Variants in IQCH observed in about 807,000 individuals in gnomAD.
IQCH encodes the protein IQ motif containing H, also known as IQ domain-containing protein H.
IQCH carries 98 observed loss-of-function variants against 117.0 expected under a neutral mutation model. The observed-to-expected ratio is 0.84, with a 90% CI of 0.71 to 0.99. The LOEUF (loss-of-function observed/expected upper bound fraction) is 0.99. Ranked by LOEUF, IQCH falls within the 50% of genes least tolerant of loss-of-function variation. IQCH has a pLI of 0.00. For synonymous variants in IQCH, 412 were observed against 448.2 expected, an observed-to-expected ratio of 0.92 and a Z score of 1.02; for missense variants, 1,102 against 1,243.8, an observed-to-expected ratio of 0.89 and a Z score of 1.72.
intron 4 of IQCH, among the ~76,000 whole-genome samples, chr15:67,320,277 A>G (rs557733169): frequency 5.3e-5 from 8 of 152,374 alleles, no homozygotes; most frequent in South Asian, 4.1e-4. Flanking sequence ...AAAAATGCCT[A>G]GAGACTGGCA....
At chr15:67,280,837 G>GTTGTTA (rs552553751) in intron 4 of IQCH, among the ~76,000 whole-genome samples, 3 of 125,056 alleles carry the variant, frequency 2.4e-5, no homozygotes, top group Non-Finnish European at 5.5e-5. Flanking sequence ...AGAAGGAGGT[G>GTTGTTA]TTATTATTAT....
Position 67,430,552 on chromosome 15 carries a change from TTAGAA to T in IQCH, c.2505+8976_2505+8980del, listed in dbSNP as rs759498477. Among the ~76,000 whole-genome samples the T allele has an allele frequency of 1.3e-5, 2 of 152,200 alleles. No individual in the cohort carries two copies. The highest frequency in any genetic ancestry group is 4.8e-5 in the African/African-American group (2 of 41,450). ...GCCTCCATGAGATTTTTTTAATCCT[TTAGAA>T]AATGTACTAGGCCTTGAATTTTTTT... On this transcript the variant is annotated intron_variant, in intron 16 of 20. Coordinates refer to ENST00000335894, the MANE Select transcript of IQCH (RefSeq NM_001031715.3). The surrounding 1 kb of genome is among the most constrained non-coding windows in gnomAD (Gnocchi z 5.1).
At position 67,490,790 on chromosome 15, in the gene IQCH, T is replaced by C. The variant is rs2141091486; in HGVS notation, c.2861+726T>C. Among the ~76,000 whole-genome samples, 1 of 152,276 alleles carries C rather than the reference T, an allele frequency of 6.6e-6. No homozygotes were observed. The highest frequency in any genetic ancestry group is 1.5e-5 in the Non-Finnish European group (1 of 68,030). On this transcript the variant is annotated intron_variant, in intron 19 of 20. Coordinates refer to ENST00000335894, the MANE Select transcript of IQCH (RefSeq NM_001031715.3). This position sits in a 1 kb window ranked among gnomAD's most constrained non-coding sequence, Gnocchi z 4.9. ...CTGTAGCTCCTCCTCAGATCCAGTTTCAACCCGGGCGCAGTCTTCTCAAGG... is the reference window on the plus strand; with the variant it reads ...CTGTAGCTCCTCCTCAGATCCAGTTCCAACCCGGGCGCAGTCTTCTCAAGG...
Position 67,407,726 on chromosome 15 carries a change from G to A in IQCH, c.2097+7421G>A, listed in dbSNP as rs1971964016. On this transcript the variant is annotated intron_variant, in intron 14 of 20. Transcript: ENST00000335894. The surrounding 1 kb of genome is among the most constrained non-coding windows in gnomAD (Gnocchi z 5.3). ...ACAGCGTTTTGCCATTAAATAGGAA[G>A]CTTTGTGTAAACTAATTACTAGGTA... 6.6e-6 allele frequency: 1 copy of A among 152,214 alleles called. No individual in the cohort carries two copies. 9.4% of individuals were successfully genotyped at this position (152,214 alleles called of 1,614,324 possible). A position where few individuals can be genotyped will look rare whatever the true frequency, so the allele number is the denominator to read the frequency against.
chr15:67,396,343 G>C (rs1232851354), intron 13 of IQCH, among the ~76,000 whole-genome samples: 1 of 152,014 alleles, frequency 6.6e-6, no homozygotes, highest in Non-Finnish European at 1.5e-5. Flanking sequence ...GATCTCAGAA[G>C]GGGGAAGTAA....
chr15:67,437,537 A>G (rs982131686), intron 16 of IQCH, among the ~76,000 whole-genome samples: 1 of 152,216 alleles, frequency 6.6e-6, no homozygotes, highest in African/African-American at 2.4e-5. Flanking sequence ...TTCACCAGCA[A>G]TGGATCTAAA....
At chr15:67,448,564 T>G (rs2082443861) in intron 16 of IQCH, among the ~76,000 whole-genome samples, 1 of 152,126 alleles carries the variant, frequency 6.6e-6, no homozygotes, top group Non-Finnish European at 1.5e-5. Context: ...TCATCATTTT[T>G]TATGGCTGCA....
At chr15:67,352,940 G>A (rs921196611) in intron 6 of IQCH, among the ~76,000 whole-genome samples, 1 of 152,122 alleles carries the variant, frequency 6.6e-6, no homozygotes, top group Non-Finnish European at 1.5e-5. Flanking sequence ...GAGGTCAAGT[G>A]TTCAAGACCA....
At chr15:67,331,467 T>G (rs1205743597) in intron 4 of IQCH, among the ~76,000 whole-genome samples, 2 of 152,026 alleles carry the variant, frequency 1.3e-5, no homozygotes, top group Non-Finnish European at 2.9e-5. Flanking sequence ...ATAAATACAA[T>G]GAACATAACA....
chr15:67,287,749 TG>T (rs1206081034), intron 4 of IQCH, among the ~76,000 whole-genome samples: 2 of 152,046 alleles, frequency 1.3e-5, no homozygotes, highest in African/African-American at 2.4e-5. Flanking sequence ...ATTTCTGCTC[TG>T]ATCTTTATTA....
chr15:67,256,943 C>G (rs1173489040), intron 1 of IQCH, among the ~76,000 whole-genome samples: 1 of 152,206 alleles, frequency 6.6e-6, no homozygotes, highest in Non-Finnish European at 1.5e-5. Flanking sequence ...GGAAGACTTT[C>G]CCTACTTTCT....
chr15:67,339,888 A>G (rs995592971), intron 5 of IQCH, among the ~76,000 whole-genome samples: 2 of 152,132 alleles, frequency 1.3e-5, no homozygotes, highest in African/African-American at 2.4e-5. Context: ...ATTATTTGCT[A>G]TCCCAAGACT....
chr15:67,307,207 T>C, intron 4 of IQCH: 1 of 837,384 alleles, frequency 1.2e-6, no homozygotes, highest in Non-Finnish European at 1.4e-6. Context: ...AATAAATATA[T>C]ATATAATGCA....
At position 67,385,137 on chromosome 15, in the gene IQCH, C is replaced by T. The variant is rs1299981517; in HGVS notation, c.1456+118C>T. The T allele has an allele frequency of 3.3e-6, 2 of 601,962 alleles. No homozygotes were observed. The highest frequency in any genetic ancestry group is 4.4e-5 in the South Asian group (2 of 44,958). 37.3% of individuals were successfully genotyped at this position (601,962 alleles called of 1,614,324 possible). A position where few individuals can be genotyped will look rare whatever the true frequency, so the allele number is the denominator to read the frequency against. ...ATTTTTTTCCTCTACAAGGAAAAAG[C>T]TCAGATGTTTAATCTACTTACAGGG... On this transcript the variant is annotated intron_variant, in intron 11 of 20. Coordinates refer to ENST00000335894, the MANE Select transcript of IQCH (RefSeq NM_001031715.3). This position sits in a 1 kb window ranked among gnomAD's most constrained non-coding sequence, Gnocchi z 4.6.
chr15:67,491,125 T>C lies in IQCH; in HGVS notation c.2861+1061T>C, dbSNP rs1374301693. Reference sequence around the variant, plus strand: ...ACATATACACAAAGATCTGGTCTCATAAAAACTAACCAAATAAGAGCCAAT... The same window carrying C: ...ACATATACACAAAGATCTGGTCTCACAAAAACTAACCAAATAAGAGCCAAT... On this transcript the variant is annotated intron_variant, in intron 19 of 20. Transcript: ENST00000335894. This position sits in a 1 kb window ranked among gnomAD's most constrained non-coding sequence, Gnocchi z 4.9. Among the ~76,000 whole-genome samples, 2 of 152,116 alleles carry C rather than the reference T, an allele frequency of 1.3e-5. No individual in the cohort carries two copies. The highest frequency in any genetic ancestry group is 2.9e-5 in the Non-Finnish European group (2 of 68,010).
intron 16 of IQCH, among the ~76,000 whole-genome samples, chr15:67,423,748 G>A (rs2081812357): frequency 6.6e-6 from 1 of 151,490 alleles, no homozygotes; most frequent in Non-Finnish European, 1.5e-5. Context: ...CAGCTGCTCG[G>A]GAGGCTGAGG....
At chr15:67,371,560 T>G in intron 8 of IQCH, 1 of 1,341,252 alleles carries the variant, frequency 7.5e-7, no homozygotes, top group East Asian at 2.4e-5. Context: ...TAATGTTCCT[T>G]GTAAAAATGA....
chr15:67,435,727 G>A (rs2082121524), intron 16 of IQCH, among the ~76,000 whole-genome samples: 1 of 151,770 alleles, frequency 6.6e-6, no homozygotes, highest in Non-Finnish European at 1.5e-5. Flanking sequence ...ATAAAAATTA[G>A]CCAGGCATAG....
chr15:67,440,176 T>C (rs1056144512), intron 16 of IQCH, among the ~76,000 whole-genome samples: 1 of 152,114 alleles, frequency 6.6e-6, no homozygotes, highest in Non-Finnish European at 1.5e-5. Flanking sequence ...CAGGAAGAAT[T>C]AGATACCCTG....
Sources: gnomAD v4.1 joint callset for allele counts (sites outside exome capture counted in the v4.1 genomes callset) on GRCh38, gnomAD v4.1.1 for gene constraint, Gnocchi (gnomAD v3.1) non-coding constraint, MANE v1.5 for transcripts, NCBI Gene and HGNC (gene_info 2026-07-23, HGNC 2026-07-21) for gene names.